Variants in EXT2 observed in about 807,000 individuals in gnomAD.
EXT2 encodes the protein exostosin glycosyltransferase 2.
A neutral mutation model predicts 81.6 loss-of-function variants in EXT2; 53 were observed. The ratio of observed to expected loss-of-function variants is 0.65; its 90% CI spans 0.52 to 0.82. The LOEUF is 0.82. Ranked by LOEUF, EXT2 falls within the 40% of genes least tolerant of loss-of-function variation. EXT2 has a pLI of 0.00. For missense variants in EXT2, 774 were observed against 910.2 expected (o/e 0.85, Z 1.93); for synonymous variants, 320 against 340.0 (o/e 0.94, Z 0.65).
chr11:44,135,904 C>A (rs1255866726), intron 7 of EXT2, among the ~76,000 whole-genome samples: 1 of 152,108 alleles, frequency 6.6e-6, no homozygotes, highest in Non-Finnish European at 1.5e-5. Context: ...CTGTTTCTTC[C>A]CACAAAACTG....
intron 7 of EXT2, among the ~76,000 whole-genome samples, chr11:44,165,295 C>T (rs930032693): frequency 1.3e-5 from 2 of 152,186 alleles, no homozygotes; most frequent in East Asian, 1.9e-4. Flanking sequence ...ACATTGCCAG[C>T]GTAGCTGAAG....
chr11:44,126,412 T>C (rs951498215), intron 5 of EXT2, among the ~76,000 whole-genome samples: 2 of 152,200 alleles, frequency 1.3e-5, no homozygotes, highest in African/African-American at 4.8e-5. Flanking sequence ...GACAAAATAA[T>C]TCCATTACAA....
At chr11:44,191,648 C>T (rs1353966784) in intron 8 of EXT2, among the ~76,000 whole-genome samples, 2 of 152,208 alleles carry the variant, frequency 1.3e-5, no homozygotes, top group African/African-American at 2.4e-5. Context: ...AGACACTCTC[C>T]TTGGTCAGCC....
chr11:44,180,002 T>C (rs1955213093), intron 8 of EXT2, among the ~76,000 whole-genome samples: 1 of 152,234 alleles, frequency 6.6e-6, no homozygotes, highest in African/African-American at 2.4e-5. Context: ...AGAGGTTGAT[T>C]CTTGACTTTT....
At chr11:44,184,522 G>A (rs557877030) in intron 8 of EXT2, among the ~76,000 whole-genome samples, 7 of 152,010 alleles carry the variant, frequency 4.6e-5, no homozygotes, top group East Asian at 1.9e-4. Flanking sequence ...GAGGCCGAGG[G>A]GGGTGGATCA....
intron 10 of EXT2, among the ~76,000 whole-genome samples, chr11:44,221,190 G>T (rs1955778098): frequency 6.6e-6 from 1 of 152,100 alleles, no homozygotes; most frequent in South Asian, 2.1e-4. Flanking sequence ...TTCCAAATAA[G>T]CCCATTCCAT....
In EXT2 at chr11:44,244,440, C is replaced by T. The variant is rs1019031954; in HGVS notation, c.*153C>T. On this transcript the variant is annotated 3_prime_UTR_variant, in exon 14 of 14. Coordinates refer to ENST00000533608, the MANE Select transcript of EXT2 (RefSeq NM_207122.2). ...CCCACCTAACCCACTTTCTCAAGAA[C>T]AAGAACCTAGAATGAATATCCAAGC... 11 of 727,882 alleles carry T rather than the reference C, an allele frequency of 1.5e-5. No individual in the cohort carries two copies. The highest frequency in any genetic ancestry group is 2.1e-5 in the Non-Finnish European group (9 of 424,592). The allele number at this position is 727,882 out of a possible 1,614,324, so 45.1% of individuals were successfully genotyped here.
At position 44,246,125 on chromosome 11, in the gene EXT2, A is replaced by G. The variant is rs2135287594; in HGVS notation, c.*1838A>G. 6.6e-6 allele frequency among the ~76,000 whole-genome samples: 1 copy of G among 152,332 alleles called. No individual in the cohort carries two copies. The highest frequency in any genetic ancestry group is 1.9e-4 in the East Asian group (1 of 5,176). ...AGGAAAAATATTTCTGTTGTCACCC[A>G]GGTACCAGAGGCTGACAAGCACAGT... On this transcript the variant is annotated 3_prime_UTR_variant, in exon 14 of 14. Coordinates refer to ENST00000533608, the MANE Select transcript of EXT2 (RefSeq NM_207122.2).
chr11:44,118,854 C>G (rs913407539), intron 4 of EXT2, among the ~76,000 whole-genome samples: 5 of 151,934 alleles, frequency 3.3e-5, no homozygotes, highest in Non-Finnish European at 5.9e-5. Context: ...ATAGAAATAA[C>G]TATAAGTAGG....
chr11:44,156,860 T>C (rs567986131), intron 7 of EXT2, among the ~76,000 whole-genome samples: 1 of 152,310 alleles, frequency 6.6e-6, no homozygotes, highest in South Asian at 2.1e-4. Flanking sequence ...TACCCATCCT[T>C]CTTAGGAAGG....
At chr11:44,167,861 T>A (rs1367978872) in intron 7 of EXT2, among the ~76,000 whole-genome samples, 1 of 152,114 alleles carries the variant, frequency 6.6e-6, no homozygotes, top group African/African-American at 2.4e-5. Flanking sequence ...ATGTGCACAG[T>A]GTGCAGGTTA....
At chr11:44,229,468 CTG>C (rs1205845512) in intron 10 of EXT2, among the ~76,000 whole-genome samples, 1 of 152,176 alleles carries the variant, frequency 6.6e-6, no homozygotes, top group Non-Finnish European at 1.5e-5. Flanking sequence ...TTTGAGAGCC[CTG>C]TTAGGTGAGC....
intron 9 of EXT2, among the ~76,000 whole-genome samples, chr11:44,201,022 T>G (rs1955515709): frequency 6.6e-6 from 1 of 152,206 alleles, no homozygotes; most frequent in South Asian, 2.1e-4. Flanking sequence ...GGCTCAGCTG[T>G]TTGTTTTTCA....
intron 1 of EXT2, among the ~76,000 whole-genome samples, chr11:44,097,254 C>T (rs1443107559): frequency 6.6e-6 from 1 of 152,196 alleles, no homozygotes; most frequent in Non-Finnish European, 1.5e-5. Flanking sequence ...TATGTAATGA[C>T]ACACATTGTC....
chr11:44,156,408 T>G (rs1954856248), intron 7 of EXT2, among the ~76,000 whole-genome samples: 1 of 152,218 alleles, frequency 6.6e-6, no homozygotes, highest in South Asian at 2.1e-4. Context: ...TAGGCATGCT[T>G]CATTCTTTCT....
At chr11:44,215,463 C>G (rs1955706829) in intron 10 of EXT2, among the ~76,000 whole-genome samples, 1 of 152,092 alleles carries the variant, frequency 6.6e-6, no homozygotes, top group Non-Finnish European at 1.5e-5. Context: ...AAAATATACT[C>G]TACGATTTTA....
rs746702405 is a variant in EXT2 at position 44,114,278 on chromosome 11, G to A, written c.720G>A (p.Val240=). ...IPVYSPLSAE[V]DLPEKGPGPR... is the part of the protein sequence containing the mutation. ...TCTATAGTCCACTGTCAGCTGAGGT[G>A]GATCTTCCAGAGAAAGGACCAGGGT... The change falls in exon 4 of 14, where the codon GTG becomes GTA. Residue 240 remains valine, a synonymous_variant. Transcript: ENST00000533608. 4.3e-6 allele frequency: 7 copies of A among 1,613,848 alleles called. No individual in the cohort carries two copies. The African/African-American group carries it at 8.0e-5, about 18-fold the overall frequency.
At chr11:44,187,499 G>A (rs1955332884) in intron 8 of EXT2, among the ~76,000 whole-genome samples, 1 of 152,048 alleles carries the variant, frequency 6.6e-6, no homozygotes, top group East Asian at 1.9e-4. Context: ...TGTAAAATGA[G>A]GATACTTATT....
chr11:44,119,699 C>T (rs549482511), intron 4 of EXT2, among the ~76,000 whole-genome samples: 2 of 152,356 alleles, frequency 1.3e-5, no homozygotes, highest in African/African-American at 4.8e-5. Flanking sequence ...CTCCAGATGA[C>T]AGCCAAAGAC....
Sources: allele counts gnomAD v4.1 joint callset (sites outside exome capture counted in the v4.1 genomes callset), GRCh38; gene constraint gnomAD v4.1.1; transcripts MANE v1.5; gene names NCBI Gene and HGNC (gene_info 2026-07-23, HGNC 2026-07-21).